Variants in SLC67A2 observed in about 807,000 individuals in gnomAD.
SLC67A2 encodes solute carrier family 67 member A2.
chr2:102,718,381 C>T, the SLC67A2 span: 4 of 1,605,642 alleles, frequency 2.5e-6, no homozygotes, highest in Admixed American at 3.4e-5. Context: ...CCTCATTCAA[C>T]CATCTCAAAT....
chr2:102,730,144 C>A, the SLC67A2 span, among the ~76,000 whole-genome samples: 2 of 152,318 alleles, frequency 1.3e-5, no homozygotes, highest in Non-Finnish European at 2.9e-5. Flanking sequence ...CAGGTAAGGT[C>A]TCTGAAATTC....
the SLC67A2 span, chr2:102,736,727 T>C: frequency 6.2e-7 from 1 of 1,613,874 alleles, no homozygotes; most frequent in Middle Eastern, 1.6e-4. Flanking sequence ...CCTCGGTTCC[T>C]GTCTTCTGCT....
the SLC67A2 span, chr2:102,718,756 T>A: frequency 6.2e-7 from 1 of 1,613,662 alleles, no homozygotes; most frequent in African/African-American, 1.3e-5. Context: ...GCAGCAGCAG[T>A]GTGCAGGTGA....
chr2:102,736,312 CCT>C, the SLC67A2 span, among the ~76,000 whole-genome samples: 1 of 152,074 alleles, frequency 6.6e-6, no homozygotes, highest in African/African-American at 2.4e-5. Context: ...TGCCCACACC[CCT>C]GTTCTCCGCC....
chr2:102,718,963 C>G, the SLC67A2 span: 1 of 1,614,130 alleles, frequency 6.2e-7, no homozygotes, highest in Non-Finnish European at 8.5e-7. Context: ...CCATGGCCAT[C>G]AGCAAGCGCA....
the SLC67A2 span, chr2:102,726,910 A>G: frequency 6.2e-7 from 1 of 1,613,390 alleles, no homozygotes; most frequent in Non-Finnish European, 8.5e-7. Context: ...GAGATAGCCC[A>G]GAGCACTGAG....
At chr2:102,719,116 C>T in the SLC67A2 span, 2 of 1,614,196 alleles carry the variant, frequency 1.2e-6, no homozygotes, top group East Asian at 4.5e-5. Flanking sequence ...TGTCATGGCT[C>T]CTTCCCAACA....
At chr2:102,730,029 T>C in the SLC67A2 span, among the ~76,000 whole-genome samples, 1 of 152,128 alleles carries the variant, frequency 6.6e-6, no homozygotes, top group Non-Finnish European at 1.5e-5. Context: ...TGATCAATTG[T>C]GAGACTAAAT....
chr2:102,718,550 A>AC, the SLC67A2 span: 1 of 1,612,734 alleles, frequency 6.2e-7, no homozygotes, highest in Non-Finnish European at 8.5e-7. Context: ...CTCCTGGGCA[A>AC]CCCCCGAGAG....
the SLC67A2 span, chr2:102,723,793 A>G: frequency 2.0e-5 from 32 of 1,614,222 alleles, no homozygotes; most frequent in African/African-American, 3.6e-4. Flanking sequence ...ACGGGGCCCA[A>G]GATGAAGCCC....
At chr2:102,725,518 G>A in the SLC67A2 span, among the ~76,000 whole-genome samples, 1 of 152,100 alleles carries the variant, frequency 6.6e-6, no homozygotes, top group African/African-American at 2.4e-5. Flanking sequence ...ACCACATAAT[G>A]GTGGAGTGTG....
chr2:102,727,382 C>A, the SLC67A2 span, among the ~76,000 whole-genome samples: 1 of 152,118 alleles, frequency 6.6e-6, no homozygotes, highest in Non-Finnish European at 1.5e-5. Context: ...ACAAAAATAC[C>A]TCATAATCCT....
chr2:102,730,876 TTC>T, the SLC67A2 span: 3 of 732,776 alleles, frequency 4.1e-6, no homozygotes, highest in South Asian at 5.8e-5. Flanking sequence ...TTTGTTTACA[TTC>T]TTTTTGTCTG....
At chr2:102,736,879 G>T in the SLC67A2 span, 2 of 1,491,440 alleles carry the variant, frequency 1.3e-6, no homozygotes, top group East Asian at 2.4e-5. Flanking sequence ...GCCCCGCCCC[G>T]AGCGGAAGCA....
the SLC67A2 span, chr2:102,726,705 C>A: frequency 7.2e-6 from 9 of 1,256,156 alleles, no homozygotes; most frequent in Non-Finnish European, 2.2e-6. Flanking sequence ...CCAGGCACGG[C>A]TCCCTTCTGA....
chr2:102,727,505 T>C, the SLC67A2 span, among the ~76,000 whole-genome samples: 1 of 152,238 alleles, frequency 6.6e-6, no homozygotes, highest in Non-Finnish European at 1.5e-5. Context: ...TTTGCCTTTG[T>C]TACCATTTTA....
chr2:102,736,786 T>G, the SLC67A2 span: 5 of 1,612,988 alleles, frequency 3.1e-6, no homozygotes, highest in Non-Finnish European at 2.5e-6. Context: ...GCCGAGTTCA[T>G]GTCCCAGTGA....
the SLC67A2 span, chr2:102,718,762 G>A: frequency 6.2e-7 from 1 of 1,613,822 alleles, no homozygotes. Context: ...GCAGTGTGCA[G>A]GTGAGTATGC....
At chr2:102,723,573 T>C in the SLC67A2 span, 1 of 919,842 alleles carries the variant, frequency 1.1e-6, no homozygotes, top group Admixed American at 2.4e-5. Context: ...TTCCTCAAAA[T>C]GACTTTTGTT....
Sources: allele counts gnomAD v4.1 joint callset (sites outside exome capture counted in the v4.1 genomes callset), GRCh38; gene constraint gnomAD v4.1.1; transcripts MANE v1.5; gene names NCBI Gene and HGNC (gene_info 2026-07-23, HGNC 2026-07-21).